The following ZMYM4 variants were observed in gnomAD, a reference collection of about 807,000 sequenced individuals.
ZMYM4 encodes the protein zinc finger MYM-type containing 4, also known as zinc finger MYM-type protein 4.
Under a neutral mutation model 183.2 loss-of-function variants are expected in ZMYM4, and 31 were observed. The ratio of observed to expected loss-of-function variants is 0.17; its 90% CI spans 0.13 to 0.23. The LOEUF is 0.23. Ranked by LOEUF, ZMYM4 falls within the 10% of genes least tolerant of loss-of-function variation. The pLI, the probability that ZMYM4 is intolerant of heterozygous loss-of-function variation, is 1.00. For synonymous variants in ZMYM4, 592 were observed against 631.2 expected, an observed-to-expected ratio of 0.94 and a Z score of 0.93; for missense variants, 1,273 against 1,840.3, an observed-to-expected ratio of 0.69 and a Z score of 5.64.
intron 1 of ZMYM4, among the ~76,000 whole-genome samples, chr1:35,278,568 G>C (rs1639988502): frequency 1.3e-5 from 2 of 152,070 alleles, no homozygotes. Flanking sequence ...TGGGACTACA[G>C]GAGCGTGCCG....
At position 35,376,813 on chromosome 1, in the gene ZMYM4, A is replaced by C. The variant is rs548479808; in HGVS notation, c.1182-4446A>C. 2.0e-5 allele frequency among the ~76,000 whole-genome samples: 3 copies of C among 152,006 alleles called. No homozygotes were observed. In the South Asian group the frequency reaches 6.2e-4, roughly 32 times the overall value. Reference sequence around the variant, plus strand: ...AGTGCTGGGATTACAGGCGTGAGCCATCACACCCGGCCTATAGTATTTTAA... The same window carrying C: ...AGTGCTGGGATTACAGGCGTGAGCCCTCACACCCGGCCTATAGTATTTTAA... On this transcript the variant is annotated intron_variant, in intron 7 of 29. Coordinates refer to ENST00000314607, the MANE Select transcript of ZMYM4 (RefSeq NM_005095.3).
At position 35,297,478 on chromosome 1, in the gene ZMYM4, C is replaced by CAAA. The variant is rs548995290; in HGVS notation, c.40-27870_40-27868dup. On this transcript the variant is annotated intron_variant, in intron 1 of 29. Transcript: ENST00000314607. ...TGCACTCCAGCCTGGGTGCTTGTCA[C>CAAA]AAAAAAAAAAAAAATGTATATATAT... 9.1e-3 allele frequency among the ~76,000 whole-genome samples: 1,160 copies of CAAA among 126,868 alleles called. 19 individuals are homozygous for CAAA. The highest frequency in any genetic ancestry group is 0.026 in the African/African-American group (912 of 35,520). The allele number at this position is 126,868 out of a possible 152,430, so 83.2% of individuals were successfully genotyped here.
chr1:35,399,459 G>T, intron 22 of ZMYM4, 23 bp from the exon 23 acceptor site: 3 of 1,605,294 alleles, frequency 1.9e-6, no homozygotes, highest in East Asian at 2.2e-5. Flanking sequence ...ACCTCATGTT[G>T]TCCTTTCTGC....
intron 18 of ZMYM4, among the ~76,000 whole-genome samples, chr1:35,395,569 TAGAA>T (rs941665064): frequency 6.6e-6 from 1 of 152,218 alleles, no homozygotes; most frequent in African/African-American, 2.4e-5. Context: ...CTCTGACACA[TAGAA>T]AGGACTCTAT....
intron 1 of ZMYM4, among the ~76,000 whole-genome samples, chr1:35,302,281 C>G (rs1317487675): frequency 1.4e-5 from 2 of 142,736 alleles, no homozygotes; most frequent in Non-Finnish European, 3.0e-5. Context: ...CATCACAGCT[C>G]ACTGCTGCCT....
intron 7 of ZMYM4, among the ~76,000 whole-genome samples, chr1:35,371,900 T>C (rs557794115): frequency 6.6e-6 from 1 of 152,358 alleles, no homozygotes; most frequent in African/African-American, 2.4e-5. Context: ...GTAATTTATA[T>C]ATACAAATGT....
rs1640084216 is a variant in ZMYM4, at chr1:35,415,639, A to G, written c.4234A>G (p.Arg1412Gly). Reference protein sequence around the residue: ...LSFAHVMRRTRTLKYSTKMTY... With the variant: ...LSFAHVMRRTGTLKYSTKMTY... Reference sequence around the variant, plus strand: ...CTTTGCCCATGTGATGAGACGGACCAGGACTCTGAAGTACAGTACCAAGAT... The same window carrying G: ...CTTTGCCCATGTGATGAGACGGACCGGGACTCTGAAGTACAGTACCAAGAT... The change falls in exon 28 of 30, where the codon AGG becomes GGG. Residue 1412 changes from arginine to glycine, a missense_variant. Transcript: ENST00000314607. 2 of 1,614,200 alleles carry G rather than the reference A, an allele frequency of 1.2e-6. No homozygotes were observed. The highest frequency in any genetic ancestry group is 1.7e-6 in the Non-Finnish European group (2 of 1,180,030).
At chr1:35,339,934 TTTC>T (rs147557481) in intron 2 of ZMYM4, among the ~76,000 whole-genome samples, 3,189 of 152,312 alleles carry the variant, frequency 0.021, 110 homozygotes, top group African/African-American at 0.073. Context: ...CAGTTAATGT[TTTC>T]TTGGACTGTT....
At chr1:35,296,755 T>G (rs1641032970) in intron 1 of ZMYM4, among the ~76,000 whole-genome samples, 1 of 152,160 alleles carries the variant, frequency 6.6e-6, no homozygotes, top group Non-Finnish European at 1.5e-5. Flanking sequence ...AGTTTCATTC[T>G]GATCCAACCA....
At chr1:35,270,596 TA>T (rs1639546180) in intron 1 of ZMYM4, among the ~76,000 whole-genome samples, 1 of 152,078 alleles carries the variant, frequency 6.6e-6, no homozygotes, top group African/African-American at 2.4e-5. Context: ...CCGTCTCTAC[TA>T]AAAATACAAA....
chr1:35,276,618 T>A (rs956969895), intron 1 of ZMYM4, among the ~76,000 whole-genome samples: 3 of 152,176 alleles, frequency 2.0e-5, no homozygotes, highest in African/African-American at 7.2e-5. Flanking sequence ...CCTTTTTTTT[T>A]CTTTTTGAAA....
intron 9 of ZMYM4, among the ~76,000 whole-genome samples, chr1:35,382,816 A>G (rs1644495698): frequency 6.6e-6 from 1 of 152,140 alleles, no homozygotes; most frequent in Non-Finnish European, 1.5e-5. Flanking sequence ...AAAAAAAAAC[A>G]TGAAGAAATG....
intron 7 of ZMYM4, among the ~76,000 whole-genome samples, chr1:35,380,591 G>A (rs570087715): frequency 2.0e-5 from 3 of 152,292 alleles, no homozygotes; most frequent in African/African-American, 2.4e-5. Context: ...CTCCCAAAGC[G>A]TTGGGATTAC....
At chr1:35,390,868 T>C (rs1423341717) in intron 15 of ZMYM4, among the ~76,000 whole-genome samples, 1 of 152,172 alleles carries the variant, frequency 6.6e-6, no homozygotes, top group Non-Finnish European at 1.5e-5. Flanking sequence ...CATGGCCTTT[T>C]AAATATACCA....
chr1:35,351,684 G>C, intron 2 of ZMYM4: 1 of 483,396 alleles, frequency 2.1e-6, no homozygotes, highest in East Asian at 3.2e-5. Context: ...ACAAAAAACA[G>C]AAATCAAAAA....
chr1:35,358,709 CTAAAG>C (rs1365101639), intron 2 of ZMYM4: 2 of 459,654 alleles, frequency 4.4e-6, no homozygotes, highest in African/African-American at 2.0e-5. Flanking sequence ...CTTTTCTAAC[CTAAAG>C]TAGTTTCTCA....
At chr1:35,274,722 A>G (rs1639786611) in intron 1 of ZMYM4, among the ~76,000 whole-genome samples, 2 of 151,832 alleles carry the variant, frequency 1.3e-5, no homozygotes, top group African/African-American at 2.4e-5. Context: ...GACATCTATA[A>G]ATAATGATAA....
chr1:35,391,955 C>T (rs1021990771), intron 15 of ZMYM4, among the ~76,000 whole-genome samples: 8 of 151,958 alleles, frequency 5.3e-5, no homozygotes, highest in East Asian at 1.9e-4. Flanking sequence ...GCAGGGGAAT[C>T]GCTTGAACCC....
chr1:35,384,390 C>G (rs1016259827), intron 9 of ZMYM4, among the ~76,000 whole-genome samples: 8 of 152,178 alleles, frequency 5.3e-5, no homozygotes, highest in Non-Finnish European at 1.0e-4. Flanking sequence ...CAAATTGATT[C>G]TTTAAGAAGG....
Sources: gnomAD v4.1 joint callset for allele counts (sites outside exome capture counted in the v4.1 genomes callset) on GRCh38, gnomAD v4.1.1 for gene constraint, MANE v1.5 for transcripts, NCBI Gene and HGNC (gene_info 2026-07-23, HGNC 2026-07-21) for gene names.